Variants in TCIRG1 observed in about 807,000 individuals in gnomAD.
The protein encoded by TCIRG1 is T cell immune regulator 1, ATPase H+ transporting V0 subunit a3.
TCIRG1 carries 86 observed loss-of-function variants against 95.5 expected under a neutral mutation model. The observed-to-expected ratio is 0.90, with a 90% CI of 0.76 to 1.08. The LOEUF (loss-of-function observed/expected upper bound fraction) is 1.08, where lower values mean the gene tolerates loss of function less well. Among genes scored for constraint, TCIRG1 ranks in the 50% least tolerant of loss-of-function variants. The pLI is 0.00. For synonymous variants in TCIRG1, 499 were observed against 501.3 expected (o/e 1.00, Z 0.06); for missense variants, 1,069 against 1,140.2 (o/e 0.94, Z 0.90).
intron 2 of TCIRG1, 150 bp downstream of exon 2, chr11:68,041,538 C>G: frequency 1.4e-6 from 1 of 729,704 alleles, no homozygotes; most frequent in Non-Finnish European, 2.3e-6. Flanking sequence ...TCATGGGAAG[C>G]CCGCAGCTGA....
chr11:68,046,000 C>A (rs1855464579), intron 10 of TCIRG1, among the ~76,000 whole-genome samples: 1 of 152,238 alleles, frequency 6.6e-6, no homozygotes, highest in Admixed American at 6.5e-5. Flanking sequence ...GGGGCTGGAT[C>A]TGGGCCCCAA....
rs956640881 is a variant in TCIRG1, at chr11:68,047,267, C to G, written c.1166-166C>G. On this transcript the variant is annotated intron_variant, in intron 10 of 19. Transcript: ENST00000265686. ...CTCGGGTGATGCCCCCCCCCCCCCC[C>G]GTCTCGGCCTCCCAGAGTGCTGGGA... 1.4e-3 allele frequency among the ~76,000 whole-genome samples: 107 copies of G among 77,386 alleles called. 3 individuals are homozygous for G. In the East Asian group the frequency reaches 0.035, roughly 25 times the overall value. The allele number at this position is 77,386 out of a possible 152,430, so 50.8% of individuals were successfully genotyped here.
rs1855769434 is a variant in TCIRG1, at chr11:68,050,803, C to T, written c.2477C>T (p.Ala826Val). 1.2e-6 allele frequency: 2 copies of T among 1,613,568 alleles called. No individual in the cohort carries two copies. The highest frequency in any genetic ancestry group is 1.7e-5 in the Admixed American group (1 of 60,034). ...TACAAGCTGAGTCCCTTCACCTTCG[C>T]TGCCACAGATGACTAGGGCCCACTG... is the stretch of plus-strand genomic sequence containing the variant. ...TGYKLSPFTF[A>V]ATDD The change falls in exon 20 of 20, where the codon GCT (alanine) becomes GTT (valine). Residue 826 changes from alanine to valine, a missense_variant. By Grantham distance (64) the Ala-to-Val change is moderately conservative. Transcript: ENST00000265686.
Position 68,042,715 on chromosome 11 carries a change from C to A in TCIRG1, c.269C>A (p.Pro90Gln), listed in dbSNP as rs908094911. The change falls in exon 4 of 20, where the codon CCA becomes CAA. Residue 90 changes from proline (P) to glutamine (Q), a missense_variant. Pro to Gln is a moderately conservative substitution (Grantham distance 76). Coordinates refer to ENST00000265686, the MANE Select transcript of TCIRG1 (RefSeq NM_006019.4). ...CCAAAGGGGAGGCTGCCGGCACCCC[C>A]ACCCCGGGACCTGCTGCGCATCCAG... is the stretch of plus-strand genomic sequence containing the variant. ...PPPKGRLPAPPPRDLLRIQEE... is the reference protein window; with the variant it reads ...PPPKGRLPAPQPRDLLRIQEE... 4 of 1,546,360 alleles carry A rather than the reference C, an allele frequency of 2.6e-6. No homozygotes were observed. The highest frequency in any genetic ancestry group is 1.7e-6 in the Non-Finnish European group (2 of 1,145,850).
intron 10 of TCIRG1, 150 bp downstream of exon 10, chr11:68,045,252 T>A: frequency 9.8e-7 from 1 of 1,020,388 alleles, no homozygotes; most frequent in Non-Finnish European, 1.5e-6. Flanking sequence ...AAGGGGCTGT[T>A]GGGCTCTGCA....
chr11:68,047,827 GC>G, intron 12 of TCIRG1, 23 bp downstream of exon 12: 2 of 1,612,330 alleles, frequency 1.2e-6, no homozygotes, highest in Non-Finnish European at 1.7e-6. Context: ...CCCCAGCCCG[GC>G]TGGGGGCCCC....
Position 68,049,478 on chromosome 11 carries a change from C to A in TCIRG1, c.1887+184C>A, listed in dbSNP as rs113763935. The A allele has an allele frequency of 1.7e-5, 17 of 1,003,886 alleles. No individual in the cohort carries two copies. In the African/African-American group the frequency reaches 2.3e-4, roughly 13 times the overall value. The allele number at this position is 1,003,886 out of a possible 1,614,324, so 62.2% of individuals were successfully genotyped here. On this transcript the variant is annotated intron_variant, in intron 15 of 19. Coordinates refer to ENST00000265686, the MANE Select transcript of TCIRG1 (RefSeq NM_006019.4). ...AGGTGGCACAACTGGCACTGGGAAC[C>A]GGGGGTCCCTTCCCTCAGGAGTCCT...
rs754864356 is a variant in TCIRG1, at chr11:68,049,073, C to T, written c.1674-8C>T. ...CCCCAGTGAGCACACCTCCCTCTTG[C>T]CCGCCAGGCACTTTGGCCAGAGGCA... On this transcript the variant is annotated splice_region_variant and splice_polypyrimidine_tract_variant and intron_variant, in intron 14 of 19. Transcript: ENST00000265686. 4.3e-6 allele frequency: 7 copies of T among 1,613,228 alleles called. No homozygotes were observed. In the East Asian group the frequency reaches 1.3e-4, roughly 31 times the overall value.
In TCIRG1 at chr11:68,047,712, C is replaced by A; in HGVS notation, c.1371C>A (p.Thr457=). The A allele has an allele frequency of 8.7e-6, 14 of 1,613,482 alleles. No individual in the cohort carries two copies. Among genetic ancestry groups the A allele is most frequent in the Non-Finnish European group, 1.2e-5 (14 of 1,180,004 alleles). Residue 457 remains threonine (T), a synonymous_variant, in exon 12 of 20, where the codon ACC becomes ACA. Coordinates refer to ENST00000265686, the MANE Select transcript of TCIRG1 (RefSeq NM_006019.4). The part of the protein sequence containing the change: ...LLLMGLFSIY[T]GFIYNECFSR... ...TTATGGGCCTGTTCTCCATCTACAC[C>A]GGCTTCATCTACAACGAGTGCTTCA...
chr11:68,041,234 C>T, intron 1 of TCIRG1, 34 bp from the exon 2 acceptor site: 1 of 1,443,614 alleles, frequency 6.9e-7, no homozygotes, highest in Non-Finnish European at 9.7e-7. Flanking sequence ...CTGTGGTCTG[C>T]CCCTGACTGG....
rs1855419945 is a variant in TCIRG1, at chr11:68,045,195, G to T, written c.1165+93G>T. On this transcript the variant is annotated intron_variant, in intron 10 of 19. Coordinates refer to ENST00000265686, the MANE Select transcript of TCIRG1 (RefSeq NM_006019.4). ...TGAGGGGGAGGTATCTCCATCCTGG[G>T]CCTGGCCTGCCCTCCTGGGATGAGG... The T allele has an allele frequency of 6.7e-6, 10 of 1,501,682 alleles. No individual in the cohort carries two copies. The South Asian group carries it at 1.1e-4, about 17-fold the overall frequency. The allele number at this position is 1,501,682 out of a possible 1,614,324, so 93.0% of individuals were successfully genotyped here. A position where few individuals can be genotyped will look rare whatever the true frequency, so the allele number is the denominator to read the frequency against.
Position 68,041,791 on chromosome 11 carries a change from G to A in TCIRG1, c.156G>A (p.Val52=). The stretch of plus-strand genomic sequence containing the variant: ...TGAGCGCCTTCCAGAGACGCTTTGT[G>A]GTTGATGTTCGGCGCTGTGAGGAGC... ...ASVSAFQRRF[V]VDVRRCEELE... Residue 52 remains valine, a synonymous_variant, in exon 3 of 20, where the codon GTG becomes GTA. Coordinates refer to ENST00000265686, the MANE Select transcript of TCIRG1 (RefSeq NM_006019.4). 6.2e-7 allele frequency: 1 copy of A among 1,610,996 alleles called. No individual in the cohort carries two copies. Among genetic ancestry groups the A allele is most frequent in the Non-Finnish European group, 8.5e-7 (1 of 1,178,844 alleles).
intron 4 of TCIRG1, 34 bp downstream of exon 4, chr11:68,042,897 T>G (rs1192471680): frequency 3.2e-6 from 5 of 1,550,022 alleles, no homozygotes; most frequent in African/African-American, 2.7e-5. Flanking sequence ...ACTGGGGGGC[T>G]GGGGAGGGGC....
At chr11:68,053,208 C>T (rs1337793630), downstream of TCIRG1, 1 of 153,536 alleles carries the variant, frequency 6.5e-6, no homozygotes, top group Non-Finnish European at 1.5e-5. Flanking sequence ...GGTCAAGCAG[C>T]TGGCTCCCCT....
At chr11:68,040,274 TC>T (rs1554994040) in intron 1 of TCIRG1, among the ~76,000 whole-genome samples, 1 of 152,228 alleles carries the variant, frequency 6.6e-6, no homozygotes, top group Non-Finnish European at 1.5e-5. Flanking sequence ...CAGCCTGGGC[TC>T]CAAGTCCCTC....
At chr11:68,041,693 G>A in intron 2 of TCIRG1, 60 bp from the exon 3 acceptor site, 1 of 1,418,250 alleles carries the variant, frequency 7.1e-7, no homozygotes, top group East Asian at 2.4e-5. Flanking sequence ...CTGGGCTCTA[G>A]GGTGAGGAGC....
At chr11:68,044,397 G>A in intron 9 of TCIRG1, 53 bp downstream of exon 9, 1 of 1,448,830 alleles carries the variant, frequency 6.9e-7, no homozygotes, top group South Asian at 1.2e-5. Context: ...TACCAGGCCG[G>A]GGCGTTTCTG....
intron 3 of TCIRG1, 105 bp from the exon 4 acceptor site, chr11:68,042,538 G>A (rs2134434440): frequency 2.1e-6 from 2 of 946,652 alleles, no homozygotes. Flanking sequence ...ACCTCCACCT[G>A]GTGAATCCAG....
intron 10 of TCIRG1, chr11:68,047,006 CTTTTTTT>C (rs5792432): frequency 1.5e-5 from 5 of 329,592 alleles, no homozygotes; most frequent in Non-Finnish European, 2.2e-5. Flanking sequence ...GTGGTGGGTT[CTTTTTTT>C]TTTTTTTTTT....
Sources: gnomAD v4.1 joint callset for allele counts (sites outside exome capture counted in the v4.1 genomes callset) on GRCh38, gnomAD v4.1.1 for gene constraint, MANE v1.5 for transcripts, NCBI Gene and HGNC (gene_info 2026-07-23, HGNC 2026-07-21) for gene names.